SPX: variants seen among roughly 807,000 people sequenced by gnomAD.
The protein encoded by SPX is spexin.
SPX carries 22 observed loss-of-function variants against 19.2 expected under a neutral mutation model. The observed-to-expected ratio is 1.15, with a 90% CI of 0.82 to 1.64. The LOEUF (loss-of-function observed/expected upper bound fraction) is 1.64, where lower values mean the gene tolerates loss of function less well. SPX is among the 40% of genes most tolerant of loss of function. The pLI is 0.00. For missense variants in SPX, 143 were observed against 137.7 expected (o/e 1.04, Z -0.19); for synonymous variants, 50 against 53.3 (o/e 0.94, Z 0.27).
intron 3 of SPX, 173 bp downstream of exon 3, chr12:21,527,365 G>A: frequency 1.5e-6 from 1 of 649,440 alleles, no homozygotes; most frequent in Non-Finnish European, 2.7e-6. Context: ...AAGAGTCCCT[G>A]ATTATTGGAA....
chr12:21,527,603 C>G, intron 3 of SPX, 124 bp from the exon 4 acceptor site: 1 of 973,120 alleles, frequency 1.0e-6, no homozygotes, highest in African/African-American at 1.6e-5. Context: ...CCGCGCGACC[C>G]TATCCTGGAG....
rs1198118338 is a variant in SPX, at chr12:21,532,246, C to A, written c.*1051C>A. 6.6e-6 allele frequency: 1 copy of A among 152,098 alleles called. No homozygotes were observed. The highest frequency in any genetic ancestry group is 1.5e-5 in the Non-Finnish European group (1 of 68,024). The allele number at this position is 152,098 out of a possible 1,614,324, so 9.4% of individuals were successfully genotyped here. A position where few individuals can be genotyped will look rare whatever the true frequency, so the allele number is the denominator to read the frequency against. ...TGACCATCATGTTAATTATTTTTTA[C>A]CTAATCAGAGTTGTTATTGACAAAT... On this transcript the variant is annotated 3_prime_UTR_variant, in exon 6 of 6. Transcript: ENST00000256969.
intron 3 of SPX, 117 bp downstream of exon 3, chr12:21,527,309 G>A: frequency 2.8e-6 from 3 of 1,072,360 alleles, no homozygotes; most frequent in Middle Eastern, 2.6e-4. Flanking sequence ...TTAAATCATC[G>A]AGGCCATCAA....
chr12:21,529,863 A>G (rs1993871), intron 5 of SPX, among the ~76,000 whole-genome samples: 36,694 of 152,106 alleles, frequency 0.24, 4,658 homozygotes, highest in Middle Eastern at 0.37. Context: ...AAGACATGGA[A>G]CCCAGCGATT....
In SPX at chr12:21,531,218, T is replaced by C; in HGVS notation, c.*23T>C. 1 of 1,532,194 alleles carries C rather than the reference T, an allele frequency of 6.5e-7. No homozygotes were observed. Among genetic ancestry groups the C allele is most frequent in the South Asian group, 1.2e-5 (1 of 84,742 alleles). 94.9% of individuals were successfully genotyped at this position (1,532,194 alleles called of 1,614,324 possible). A position where few individuals can be genotyped will look rare whatever the true frequency, so the allele number is the denominator to read the frequency against. On this transcript the variant is annotated 3_prime_UTR_variant, in exon 6 of 6. Transcript: ENST00000256969. ...TGAAAATATACTGGATTATGTTTAA[T>C]TATGGTTCTATTCTCTTTGAAAACA...
intron 1 of SPX, 122 bp downstream of exon 1, chr12:21,526,600 T>C (rs1943817224): frequency 4.2e-6 from 4 of 956,272 alleles, no homozygotes; most frequent in Non-Finnish European, 6.2e-6. Context: ...ACGATACGCC[T>C]TTAGAATAAC....
chr12:21,530,900 C>A (rs1317444890), intron 5 of SPX, among the ~76,000 whole-genome samples: 1 of 152,108 alleles, frequency 6.6e-6, no homozygotes, highest in East Asian at 1.9e-4. Flanking sequence ...TAGTTTCAGT[C>A]ATTATAGAGG....
intron 4 of SPX, 195 bp downstream of exon 4, chr12:21,527,984 A>G (rs1943831241): frequency 3.4e-6 from 2 of 580,402 alleles, no homozygotes; most frequent in South Asian, 4.4e-5. Flanking sequence ...CGAGCGCCGG[A>G]GCTGGGAGCT....
rs1399843603 is a variant in SPX at position 21,532,442 on chromosome 12, T to C, written c.*1247T>C. On this transcript the variant is annotated 3_prime_UTR_variant, in exon 6 of 6. Coordinates refer to ENST00000256969, the MANE Select transcript of SPX (RefSeq NM_030572.4). ...ATCTGTATCTTGTTTCATAATTTAATAATGAAACTAAATTCAAGTTAATGT... is the reference window on the plus strand; with the variant it reads ...ATCTGTATCTTGTTTCATAATTTAACAATGAAACTAAATTCAAGTTAATGT... 6.6e-6 allele frequency: 1 copy of C among 152,212 alleles called. No individual in the cohort carries two copies. The highest frequency in any genetic ancestry group is 1.5e-5 in the Non-Finnish European group (1 of 68,026). 9.4% of individuals were successfully genotyped at this position (152,212 alleles called of 1,614,324 possible).
At position 21,531,286 on chromosome 12, in the gene SPX, G is replaced by A. The variant is rs1408435909; in HGVS notation, c.*91G>A. 2 of 922,256 alleles carry A rather than the reference G, an allele frequency of 2.2e-6. No individual in the cohort carries two copies. Among genetic ancestry groups the A allele is most frequent in the Non-Finnish European group, 3.2e-6 (2 of 617,642 alleles). The allele number at this position is 922,256 out of a possible 1,614,324, so 57.1% of individuals were successfully genotyped here. On this transcript the variant is annotated 3_prime_UTR_variant, in exon 6 of 6. Transcript: ENST00000256969. ...ACCTTTGGACCCTTTTATTCCATTT[G>A]TAATCTTAAGAACACACACAGATAG...
At chr12:21,527,001 T>C in intron 2 of SPX, 35 bp downstream of exon 2, 11 of 1,597,626 alleles carry the variant, frequency 6.9e-6, no homozygotes, top group Non-Finnish European at 9.4e-6. Context: ...TTTAAAACAA[T>C]GCGCACTGTG....
At chr12:21,530,745 G>A (rs1022632448) in intron 5 of SPX, among the ~76,000 whole-genome samples, 9 of 151,992 alleles carry the variant, frequency 5.9e-5, no homozygotes, top group African/African-American at 2.2e-4. Flanking sequence ...CATCTTTCCC[G>A]AGCAAGATCC....
Position 21,529,057 on chromosome 12 carries a change from C to A in SPX, c.265C>A (p.Leu89Met), listed in dbSNP as rs1394484290. 4 of 1,614,046 alleles carry A rather than the reference C, an allele frequency of 2.5e-6. No homozygotes were observed. Among genetic ancestry groups the A allele is most frequent in the Non-Finnish European group, 3.4e-6 (4 of 1,180,022 alleles). Residue 89 changes from leucine to methionine, a missense_variant, in exon 5 of 6, where the codon CTG becomes ATG. By Grantham distance (15) the Leu-to-Met change is conservative. Coordinates refer to ENST00000256969, the MANE Select transcript of SPX (RefSeq NM_030572.4). ...LTIPEAATIL[L>M]ASLQKSPEDE... ...TATTCCGGAGGCAGCAACCATCTTA[C>A]TGGCGTCCCTTCAGAAATCACCAGA... is the stretch of plus-strand genomic sequence containing the variant.
intron 1 of SPX, 62 bp downstream of exon 1, chr12:21,526,540 T>G: frequency 6.8e-7 from 1 of 1,467,228 alleles, no homozygotes. Flanking sequence ...TTTATAGCAT[T>G]TTACCTATTT....
intron 5 of SPX, among the ~76,000 whole-genome samples, chr12:21,529,674 C>T (rs1943845499): frequency 1.3e-5 from 2 of 152,158 alleles, no homozygotes; most frequent in African/African-American, 4.8e-5. Flanking sequence ...GCTGCTATTC[C>T]ATATCTGAAA....
chr12:21,528,879 T>G lies in SPX; in HGVS notation c.209-122T>G, dbSNP rs1054816866. The G allele has an allele frequency of 1.2e-5, 10 of 843,558 alleles. No homozygotes were observed. The African/African-American group carries it at 1.4e-4, about 11-fold the overall frequency. The allele number at this position is 843,558 out of a possible 1,614,324, so 52.3% of individuals were successfully genotyped here. ...ATTAGTCTTCTGTGTAAGTAGTCCT[T>G]TGTTGAGGGGTCAAAATCTATTTCA... On this transcript the variant is annotated intron_variant, in intron 4 of 5. Coordinates refer to ENST00000256969, the MANE Select transcript of SPX (RefSeq NM_030572.4).
intron 5 of SPX, 71 bp downstream of exon 5, chr12:21,529,155 G>C: frequency 3.6e-6 from 5 of 1,395,464 alleles, no homozygotes; most frequent in Non-Finnish European, 5.1e-6. Context: ...TCTGTGTTGA[G>C]TGCAACACCC....
chr12:21,529,023 A>G lies in SPX; in HGVS notation c.231A>G (p.Gln77=), dbSNP rs1333833502. Residue 77 remains glutamine (Q), a synonymous_variant, in exon 5 of 6, where the codon CAA becomes CAG. Coordinates refer to ENST00000256969, the MANE Select transcript of SPX (RefSeq NM_030572.4). The part of the protein sequence containing the change: ...PLPERRSPNP[Q]LLTIPEAATI... ...CAGAAAGACGAAGCCCAAATCCCCAACTACTAACTATTCCGGAGGCAGCAA... is the reference window on the plus strand; with the variant it reads ...CAGAAAGACGAAGCCCAAATCCCCAGCTACTAACTATTCCGGAGGCAGCAA... 12 of 1,613,906 alleles carry G rather than the reference A, an allele frequency of 7.4e-6. No individual in the cohort carries two copies. Among genetic ancestry groups the G allele is most frequent in the Non-Finnish European group, 1.0e-5 (12 of 1,179,940 alleles).
At chr12:21,528,542 TG>T (rs565416193) in intron 4 of SPX, among the ~76,000 whole-genome samples, 177 of 152,368 alleles carry the variant, frequency 1.2e-3, no homozygotes, top group Non-Finnish European at 2.1e-3. Context: ...TCTTCAAACA[TG>T]CTGTGTAATT....
Sources: allele counts gnomAD v4.1 joint callset (sites outside exome capture counted in the v4.1 genomes callset), GRCh38; gene constraint gnomAD v4.1.1; transcripts MANE v1.5; gene names NCBI Gene and HGNC (gene_info 2026-07-23, HGNC 2026-07-21).